The following DDX49 variants were observed in gnomAD, a reference collection of about 807,000 sequenced individuals.
DDX49 encodes the protein probable ATP-dependent RNA helicase DDX49.
DDX49 carries 50 observed loss-of-function variants against 56.3 expected under a neutral mutation model. That is an observed-to-expected ratio of 0.89 (90% CI 0.71 to 1.12). DDX49 has a LOEUF of 1.12. Ranked by LOEUF, DDX49 falls within the 50% of genes most tolerant of loss-of-function variation. The pLI is 0.00. For synonymous variants in DDX49, 269 were observed against 270.6 expected (o/e 0.99, Z 0.06); for missense variants, 614 against 650.5 (o/e 0.94, Z 0.61).
rs1233808805 is a variant in DDX49, at chr19:18,928,424, C to T, written c.*108C>T. 1.8e-6 allele frequency: 2 copies of T among 1,129,104 alleles called. No homozygotes were observed. The highest frequency in any genetic ancestry group is 1.6e-5 in the African/African-American group (1 of 63,724). The allele number at this position is 1,129,104 out of a possible 1,614,324, so 69.9% of individuals were successfully genotyped here. On this transcript the variant is annotated 3_prime_UTR_variant, in exon 13 of 13. Coordinates refer to ENST00000247003, the MANE Select transcript of DDX49 (RefSeq NM_019070.5). ...TCCCGGGGGCCTACCCAGTGCCCCACAGCAGAACCCGTGGGCGCTCGTGTT... is the reference window on the plus strand; with the variant it reads ...TCCCGGGGGCCTACCCAGTGCCCCATAGCAGAACCCGTGGGCGCTCGTGTT...
chr19:18,920,468 A>G, intron 1 of DDX49, 112 bp from the exon 2 acceptor site: 2 of 1,178,046 alleles, frequency 1.7e-6, no homozygotes, highest in Non-Finnish European at 1.2e-6. Flanking sequence ...GGTCAAATGG[A>G]TATGGGTTCC....
Position 18,928,170 on chromosome 19 carries a change from A to G in DDX49, c.1306A>G (p.Ile436Val). 6.3e-7 allele frequency: 1 copy of G among 1,591,802 alleles called. No individual in the cohort carries two copies. The highest frequency in any genetic ancestry group is 8.6e-7 in the Non-Finnish European group (1 of 1,169,270). Residue 436 changes from isoleucine to valine, a missense_variant, in exon 13 of 13, where the codon ATC becomes GTC. Physicochemically the swap from Ile to Val is conservative, Grantham distance 29. Transcript: ENST00000247003. ...CAAGCGCAAGGCTGAGCTGGCCAAG[A>G]TCAAGCAGAAGAACCGGCGCTTCAA... is the stretch of plus-strand genomic sequence containing the variant. ...EAKRKAELAK[I>V]KQKNRRFKEK...
chr19:18,924,188 G>A (rs2056941832), intron 6 of DDX49, 45 bp from the exon 7 acceptor site: 2 of 1,604,256 alleles, frequency 1.2e-6, no homozygotes, highest in African/African-American at 1.3e-5. Flanking sequence ...CACCTTCCCA[G>A]AACCTGAGAG....
chr19:18,924,059 C>T (rs919404864), intron 6 of DDX49, among the ~76,000 whole-genome samples, 174 bp from the exon 7 acceptor site: 1 of 152,130 alleles, frequency 6.6e-6, no homozygotes, highest in Non-Finnish European at 1.5e-5. Flanking sequence ...CCACCCGCCT[C>T]AGTCTCCCAA....
intron 2 of DDX49, 56 bp downstream of exon 2, chr19:18,920,759 A>C: frequency 6.5e-7 from 1 of 1,534,584 alleles, no homozygotes; most frequent in Admixed American, 1.8e-5. Flanking sequence ...TCTCTTGGGC[A>C]AGCACCTTTC....
chr19:18,921,612 G>A, intron 2 of DDX49, 51 bp from the exon 3 acceptor site: 1 of 1,551,800 alleles, frequency 6.4e-7, no homozygotes, highest in Non-Finnish European at 8.9e-7. Flanking sequence ...GGGAATGGGG[G>A]GCAGGTCCAG....
At position 18,921,841 on chromosome 19, in the gene DDX49, A is replaced by T. The variant is rs777427391; in HGVS notation, c.326-2A>T. 16 of 1,613,894 alleles carry T rather than the reference A, an allele frequency of 9.9e-6. No homozygotes were observed. The highest frequency in any genetic ancestry group is 1.4e-5 in the Non-Finnish European group (16 of 1,179,992). On this transcript the variant is annotated splice_acceptor_variant, in intron 3 of 12. Transcript: ENST00000247003. LOFTEE classifies it high-confidence loss of function. ...CCCTGCCTCTCATGCTCTGTCCCCC[A>T]GACATGGTGGCCCAGGCGCTGGAGC...
chr19:18,921,920 C>G lies in DDX49; in HGVS notation c.403C>G (p.Leu135Val). 1 of 1,613,826 alleles carries G rather than the reference C, an allele frequency of 6.2e-7. No individual in the cohort carries two copies. Among genetic ancestry groups the G allele is most frequent in the Non-Finnish European group, 8.5e-7 (1 of 1,179,982 alleles). Reference protein sequence around the residue: ...IATPGRLADHLRSSNTFSIKK... With the variant: ...IATPGRLADHVRSSNTFSIKK... ...CACGCCGGGGCGCCTGGCAGATCAC[C>G]TGCGCAGCTCCAACACTTTTAGTAT... The change falls in exon 4 of 13, where the codon CTG (leucine) becomes GTG (valine). Residue 135 changes from leucine (L) to valine (V), a missense_variant. Leu to Val is a conservative substitution (Grantham distance 32, BLOSUM62 1). Transcript: ENST00000247003.
intron 7 of DDX49, 132 bp from the exon 8 acceptor site, chr19:18,924,491 C>T: frequency 8.8e-7 from 1 of 1,141,930 alleles, no homozygotes; most frequent in East Asian, 2.4e-5. Flanking sequence ...TTCATTTGTC[C>T]CGGTCTGACT....
In DDX49 at chr19:18,927,994, G is replaced by A; in HGVS notation, c.1221G>A (p.Lys407=). The A allele has an allele frequency of 6.2e-7, 1 of 1,613,826 alleles. No individual in the cohort carries two copies. The highest frequency in any genetic ancestry group is 8.5e-7 in the Non-Finnish European group (1 of 1,179,960). Residue 407 remains lysine (K), a synonymous_variant, in exon 12 of 13, where the codon AAG becomes AAA. Coordinates refer to ENST00000247003, the MANE Select transcript of DDX49 (RefSeq NM_019070.5). ...IKLEAAHFDE[K]KEINKRKQLI... is the part of the protein sequence containing the mutation. ...TGGAGGCGGCCCACTTTGACGAAAA[G>A]AAGGAGATCAACAAACGGAAGCAGC...
Position 18,926,181 on chromosome 19 carries a change from C to G in DDX49, c.1028-122C>G, listed in dbSNP as rs950096738. 3 of 1,064,778 alleles carry G rather than the reference C, an allele frequency of 2.8e-6. No homozygotes were observed. In the African/African-American group the frequency reaches 4.7e-5, roughly 17 times the overall value. 66.0% of individuals were successfully genotyped at this position (1,064,778 alleles called of 1,614,324 possible). On this transcript the variant is annotated intron_variant, in intron 9 of 12. Transcript: ENST00000247003. ...CCAGACACTCTGGGCTGATCCCTCC[C>G]AAGCCCAAGCCCTTGTTCAGCATCT...
intron 1 of DDX49, 99 bp downstream of exon 1, chr19:18,919,955 G>A: frequency 1.2e-6 from 1 of 865,880 alleles, no homozygotes; most frequent in South Asian, 1.9e-5. Flanking sequence ...ACGAGGCGAG[G>A]GGCAACCTCG....
rs775712338 is a variant in DDX49 at position 18,920,582 on chromosome 19, C to T, written c.118C>T (p.Arg40Ter). ...ATGCTGCTTTGTCCCCAACCCAGGT[C>T]GAGACTGCTTGGGCTGTGCTAAGAC... ...LGCIPAILEG[R>*]DCLGCAKTGS... The change falls in exon 2 of 13, where the codon CGA becomes TGA. Residue 40 changes from arginine (R) to a stop codon, truncating the protein, a stop_gained and splice_region_variant. Transcript: ENST00000247003. LOFTEE classifies it high-confidence loss of function. The T allele has an allele frequency of 6.3e-7, 1 of 1,595,434 alleles. No individual in the cohort carries two copies. Among genetic ancestry groups the T allele is most frequent in the Non-Finnish European group, 8.6e-7 (1 of 1,164,988 alleles).
At position 18,919,720 on chromosome 19, in the gene DDX49, G is replaced by A. The variant is rs755529476; in HGVS notation, c.-22G>A. ...CGGATCACACGGGCCCCTACAAGGG[G>A]CCCCTACAAGCGGCCACAAGGATGG... On this transcript the variant is annotated 5_prime_UTR_variant, in exon 1 of 13. Transcript: ENST00000247003. 15 of 1,593,160 alleles carry A rather than the reference G, an allele frequency of 9.4e-6. No homozygotes were observed. In the East Asian group the frequency reaches 1.1e-4, roughly 12 times the overall value.
In DDX49 at chr19:18,921,980, C is replaced by A. The variant is rs1262546867; in HGVS notation, c.447+16C>A. 4.4e-6 allele frequency: 7 copies of A among 1,596,478 alleles called. No homozygotes were observed. Among genetic ancestry groups the A allele is most frequent in the Non-Finnish European group, 5.1e-6 (6 of 1,169,054 alleles). ...CCGCTTCCTGGTGAGTTCGCCCCGC[C>A]CCTGCAGACCTCAGGAGCTGGGCTC... is the stretch of plus-strand genomic sequence containing the variant. On this transcript the variant is annotated intron_variant, in intron 4 of 12. Transcript: ENST00000247003.
At chr19:18,925,257 AAAAAT>A (rs747515160) in intron 9 of DDX49, 20 of 293,866 alleles carry the variant, frequency 6.8e-5, no homozygotes, top group Non-Finnish European at 1.2e-4. Context: ...CTGTCTCCAA[AAAAAT>A]AAAATAAAAT....
Position 18,928,271 on chromosome 19 carries a change from G to T in DDX49, c.1407G>T (p.Pro469=). Residue 469 remains proline, a synonymous_variant, in exon 13 of 13, where the codon CCG becomes CCT. Coordinates refer to ENST00000247003, the MANE Select transcript of DDX49 (RefSeq NM_019070.5). The part of the protein sequence containing the change: ...AGHKGRPPRT[P]SGSHSGPVPS... ...ACAAGGGGCGTCCACCCAGGACACCGTCTGGGTCCCACTCAGGCCCAGTCC... is the reference window on the plus strand; with the variant it reads ...ACAAGGGGCGTCCACCCAGGACACCTTCTGGGTCCCACTCAGGCCCAGTCC... The T allele has an allele frequency of 1.9e-6, 3 of 1,584,036 alleles. No individual in the cohort carries two copies. The highest frequency in any genetic ancestry group is 2.6e-6 in the Non-Finnish European group (3 of 1,165,464).
In DDX49 at chr19:18,926,326, C is replaced by T. The variant is rs763366726; in HGVS notation, c.1051C>T (p.Leu351=). 5 of 1,491,782 alleles carry T rather than the reference C, an allele frequency of 3.4e-6. No homozygotes were observed. Among genetic ancestry groups the T allele is most frequent in the Non-Finnish European group, 4.5e-6 (5 of 1,109,188 alleles). 92.4% of individuals were successfully genotyped at this position (1,491,782 alleles called of 1,614,324 possible). ...RAGRQGQAIT[L]VTQYDIHLVH... is the part of the protein sequence containing the mutation. ...AGGGCGGCAGGGTCAGGCCATCACG[C>T]TGGTGACACAGTACGACATCCACCT... The change falls in exon 10 of 13, where the codon CTG becomes TTG. Residue 351 remains leucine (L), a synonymous_variant. Coordinates refer to ENST00000247003, the MANE Select transcript of DDX49 (RefSeq NM_019070.5).
chr19:18,927,090 AAAAG>A (rs1444689978), intron 10 of DDX49, among the ~76,000 whole-genome samples: 19 of 146,922 alleles, frequency 1.3e-4, no homozygotes, highest in East Asian at 4.0e-4. Flanking sequence ...AAAAAAAAAA[AAAAG>A]AGAAACATCT....
Sources: allele counts gnomAD v4.1 joint callset (sites outside exome capture counted in the v4.1 genomes callset), GRCh38; gene constraint gnomAD v4.1.1; transcripts MANE v1.5; gene names NCBI Gene and HGNC (gene_info 2026-07-23, HGNC 2026-07-21).